Variants in CDKN2A observed in about 807,000 individuals in gnomAD.
The protein encoded by CDKN2A is cyclin-dependent kinase inhibitor 2A.
CDKN2A carries 3 observed loss-of-function variants against 11.1 expected under a neutral mutation model. That is an observed-to-expected ratio of 0.27 (90% CI 0.12 to 0.70). CDKN2A has a LOEUF of 0.70. Among genes scored for constraint, CDKN2A ranks in the 30% least tolerant of loss-of-function variants. The probability of loss-of-function intolerance (pLI) is 0.77; values close to 1 mark genes in which losing one functional copy is unlikely to be tolerated. For synonymous variants in CDKN2A, 122 were observed against 108.1 expected, an observed-to-expected ratio of 1.13 and a Z score of -0.80; for missense variants, 265 against 233.6, an observed-to-expected ratio of 1.13 and a Z score of -0.88.
In CDKN2A at chr9:21,968,297, G is replaced by T; in HGVS notation, c.458-55C>A. 1 of 1,592,990 alleles carries T rather than the reference G, an allele frequency of 6.3e-7. No homozygotes were observed. The highest frequency in any genetic ancestry group is 8.6e-7 in the Non-Finnish European group (1 of 1,161,268). On this transcript the variant is annotated intron_variant, in intron 2 of 2. Transcript: ENST00000304494. This position sits in a 1 kb window ranked among gnomAD's most constrained non-coding sequence, Gnocchi z 4.7. ...AGAAACCTGAGGTCAAAGATGTGTG[G>T]CACATCCCGCCCTCCTCTCTTGCCG...
intron 1 of CDKN2A, chr9:21,994,358 C>T (rs751121842): frequency 3.1e-6 from 5 of 1,606,742 alleles, no homozygotes; most frequent in South Asian, 2.2e-5. Context: ...GGGCCGAGCT[C>T]GGCAGCCGCT....
At chr9:21,970,827 T>A in intron 2 of CDKN2A, 75 bp downstream of exon 2, 2 of 1,576,344 alleles carry the variant, frequency 1.3e-6, no homozygotes, top group Non-Finnish European at 1.7e-6. Context: ...CGGGCTGAAC[T>A]TTCTGTGCTG....
intron 2 of CDKN2A, among the ~76,000 whole-genome samples, chr9:21,980,749 G>A (rs578222902): frequency 6.6e-6 from 1 of 151,272 alleles, no homozygotes; most frequent in Non-Finnish European, 1.5e-5. Context: ...CACGAGGTCA[G>A]GAGATCTAGA....
intron 2 of CDKN2A, chr9:21,970,186 C>T (rs1819639756): frequency 4.1e-6 from 1 of 243,304 alleles, no homozygotes; most frequent in Admixed American, 5.5e-5. Context: ...AGGGAGGATG[C>T]TTTGAGATCA....
In CDKN2A at chr9:21,967,769, ATTATT is replaced by A; in HGVS notation, c.*455_*459del. Reference sequence around the variant, plus strand: ...ACAATAAATGAGTGAATGAATGAAAATTATTTTATTTTTATTTGAGCTTTGGTTCT... The same window carrying A: ...ACAATAAATGAGTGAATGAATGAAAATTATTTTTATTTGAGCTTTGGTTCT... On this transcript the variant is annotated 3_prime_UTR_variant, in exon 3 of 3. Coordinates refer to ENST00000304494, the MANE Select transcript of CDKN2A (RefSeq NM_000077.5). The A allele has an allele frequency of 3.4e-6, 1 of 292,110 alleles. No homozygotes were observed. The highest frequency in any genetic ancestry group is 6.7e-6 in the Non-Finnish European group (1 of 148,472). The allele number at this position is 292,110 out of a possible 1,614,324, so 18.1% of individuals were successfully genotyped here. A position where few individuals can be genotyped will look rare whatever the true frequency, so the allele number is the denominator to read the frequency against.
chr9:21,994,503 C>T (rs530908133), intron 1 of CDKN2A: 132 of 1,418,280 alleles, frequency 9.3e-5, no homozygotes, highest in Non-Finnish European at 1.1e-4. Context: ...GCCCGCCCCC[C>T]ACCTTCACCC....
chr9:21,991,900 CTG>C lies in CDKN2A; in HGVS notation c.-4+1980_-4+1981del, dbSNP rs1820439144. 1.0e-6 allele frequency: 1 copy of C among 985,122 alleles called. No homozygotes were observed. The highest frequency in any genetic ancestry group is 1.7e-5 in the African/African-American group (1 of 57,218). 61.0% of individuals were successfully genotyped at this position (985,122 alleles called of 1,614,324 possible). On this transcript the variant is annotated intron_variant, in intron 2 of 3. Transcript: ENST00000494262. The surrounding 1 kb of genome is among the most constrained non-coding windows in gnomAD (Gnocchi z 5.2). ...GCACAGTGCTTACCTTGAGAGGACT[CTG>C]TGCTATTAAAGAAAAAAATAACCTG...
At chr9:21,994,499 C>A in intron 1 of CDKN2A, 2 of 1,425,812 alleles carry the variant, frequency 1.4e-6, no homozygotes, top group Non-Finnish European at 9.2e-7. Context: ...GCGCGCCCGC[C>A]CCCCACCTTC....
At chr9:21,993,798 A>ACT (rs1031337609) in intron 2 of CDKN2A, 12 of 279,916 alleles carry the variant, frequency 4.3e-5, no homozygotes, top group South Asian at 1.3e-4. Flanking sequence ...CACCTTTCCT[A>ACT]CTGTGTGTGT....
upstream of CDKN2A, chr9:21,975,065 G>A (rs1296461140): frequency 7.5e-7 from 1 of 1,333,680 alleles, no homozygotes; most frequent in Non-Finnish European, 9.5e-7. Flanking sequence ...AGCACTTAGC[G>A]AATGTGGCAC....
chr9:21,994,173 C>T lies in CDKN2A; in HGVS notation c.-175-120G>A. On this transcript the variant is annotated intron_variant, in intron 1 of 3. Transcript: ENST00000494262. ...TAGGAAGCGGCTGCTGCCCTAGACG[C>T]TGGCTCCTCAGTAGCATCAGCACGA... 1 of 1,604,350 alleles carries T rather than the reference C, an allele frequency of 6.2e-7. No homozygotes were observed. Among genetic ancestry groups the T allele is most frequent in the South Asian group, 1.1e-5 (1 of 91,060 alleles).
At chr9:21,994,555 T>G in intron 1 of CDKN2A, 1 of 1,084,380 alleles carries the variant, frequency 9.2e-7, no homozygotes, top group East Asian at 3.2e-5. Flanking sequence ...ACCTCCAAGA[T>G]CTCGGAACGG....
upstream of CDKN2A, chr9:21,975,218 C>A: frequency 9.8e-7 from 1 of 1,018,142 alleles, no homozygotes; most frequent in Non-Finnish European, 1.2e-6. Context: ...TGCTCCCAGC[C>A]GCGCTCCCCC....
chr9:21,971,373 A>G, intron 1 of CDKN2A, 165 bp from the exon 2 acceptor site: 5 of 1,484,544 alleles, frequency 3.4e-6, no homozygotes, highest in East Asian at 2.5e-5. Flanking sequence ...TGAGTTCTCT[A>G]TCCATTCTTC....
Position 21,968,958 on chromosome 9 carries a change from T to G in CDKN2A, c.458-716A>C, listed in dbSNP as rs1472871416. On this transcript the variant is annotated intron_variant, in intron 2 of 2. Transcript: ENST00000304494. This position sits in a 1 kb window ranked among gnomAD's most constrained non-coding sequence, Gnocchi z 4.7. ...GAAAGTCTCTTTTTACGTTTATTCC[T>G]GAGGCAGCATTTGCACTTGAGTTTC... 6.6e-6 allele frequency among the ~76,000 whole-genome samples: 1 copy of G among 152,230 alleles called. No homozygotes were observed. The highest frequency in any genetic ancestry group is 1.5e-5 in the Non-Finnish European group (1 of 68,028).
rs182561524 is a variant in CDKN2A, at chr9:21,988,498, A to G, written c.-4+5384T>C. ...GCTCATGAATTAAATGAATGCACTG[A>G]GAGACACTGACAAGCACTGAGAATT... On this transcript the variant is annotated intron_variant, in intron 2 of 3. Transcript: ENST00000494262. This position sits in a 1 kb window ranked among gnomAD's most constrained non-coding sequence, Gnocchi z 4.1. Among the ~76,000 whole-genome samples the G allele has an allele frequency of 8.5e-5, 13 of 152,232 alleles. No individual in the cohort carries two copies. The highest frequency in any genetic ancestry group is 3.1e-4 in the African/African-American group (13 of 41,538).
chr9:21,976,076 C>T (rs936138894), upstream of CDKN2A, among the ~76,000 whole-genome samples: 1 of 152,098 alleles, frequency 6.6e-6, no homozygotes, highest in Admixed American at 6.5e-5. Flanking sequence ...TGTTTTGAGG[C>T]ATAGAAAGAA....
In CDKN2A at chr9:21,991,735, A is replaced by G; in HGVS notation, c.-4+2147T>C. The G allele has an allele frequency of 1.0e-6, 1 of 984,450 alleles. No homozygotes were observed. The highest frequency in any genetic ancestry group is 1.2e-6 in the Non-Finnish European group (1 of 829,042). 61.0% of individuals were successfully genotyped at this position (984,450 alleles called of 1,614,324 possible). On this transcript the variant is annotated intron_variant, in intron 2 of 3. Transcript: ENST00000494262. This position sits in a 1 kb window ranked among gnomAD's most constrained non-coding sequence, Gnocchi z 5.2. ...TATGTTGTTGCTACCTTAGGATCAT[A>G]ATGGACTTTCTAAAATTCAAGAGTA... is the stretch of plus-strand genomic sequence containing the variant.
chr9:21,993,872 C>A, intron 2 of CDKN2A: 3 of 517,710 alleles, frequency 5.8e-6, no homozygotes, highest in Non-Finnish European at 1.0e-5. Context: ...CCAGGATATT[C>A]GGGACTCACT....
Sources: allele counts gnomAD v4.1 joint callset (sites outside exome capture counted in the v4.1 genomes callset), GRCh38; gene constraint gnomAD v4.1.1; non-coding constraint Gnocchi (gnomAD v3.1); transcripts MANE v1.5; gene names NCBI Gene and HGNC (gene_info 2026-07-23, HGNC 2026-07-21).